Variants in TPO observed in about 807,000 individuals in gnomAD.
The protein encoded by TPO is thyroid peroxidase.
TPO carries 78 observed loss-of-function variants against 96.9 expected under a neutral mutation model. That is an observed-to-expected ratio of 0.81 (90% CI 0.67 to 0.97). TPO has a LOEUF of 0.97. Ranked by LOEUF, TPO falls within the 50% of genes least tolerant of loss-of-function variation. The probability of loss-of-function intolerance (pLI) is 0.00; values close to 1 mark genes in which losing one functional copy is unlikely to be tolerated. For synonymous variants in TPO, 547 were observed against 538.0 expected (o/e 1.02, Z -0.23); for missense variants, 1,252 against 1,274.8 (o/e 0.98, Z 0.27).
intron 2 of TPO, among the ~76,000 whole-genome samples, chr2:1,416,832 A>G (rs573384633): frequency 1.3e-5 from 2 of 152,356 alleles, no homozygotes; most frequent in Admixed American, 1.3e-4. Flanking sequence ...GCTCACAGAC[A>G]TGTGAAGCAA....
At chr2:1,523,954 T>A (rs1573539055) in intron 15 of TPO, among the ~76,000 whole-genome samples, 1 of 51,362 alleles carries the variant, frequency 1.9e-5, no homozygotes, top group Non-Finnish European at 3.5e-5. Flanking sequence ...CCTTCCCAAA[T>A]CCCCCCACTC....
rs1034919170 is a variant in TPO at position 1,416,511 on chromosome 2, A to G, written c.94+2009A>G. 1.2e-4 allele frequency among the ~76,000 whole-genome samples: 18 copies of G among 152,360 alleles called. No homozygotes were observed. In the South Asian group the frequency reaches 2.5e-3, roughly 21 times the overall value. On this transcript the variant is annotated intron_variant, in intron 2 of 16. Transcript: ENST00000329066. ...AATGCAGTAGCCACAGCTTTTGCTA[A>G]AACAGTTTTTAAAAATTATTTTTCC...
At chr2:1,491,321 G>A (rs1671752855) in intron 10 of TPO, among the ~76,000 whole-genome samples, 1 of 152,122 alleles carries the variant, frequency 6.6e-6, no homozygotes, top group South Asian at 2.1e-4. Context: ...CTCCTGCACA[G>A]GCCTTGCATA....
chr2:1,395,508 T>C (rs1662066093), intron 1 of TPO, among the ~76,000 whole-genome samples: 1 of 152,198 alleles, frequency 6.6e-6, no homozygotes, highest in African/African-American at 2.4e-5. Flanking sequence ...TTTTGATAGA[T>C]TTAAGATATA....
intron 4 of TPO, among the ~76,000 whole-genome samples, chr2:1,433,987 G>A (rs890648228): frequency 2.6e-5 from 4 of 152,136 alleles, no homozygotes; most frequent in Admixed American, 1.3e-4. Flanking sequence ...GTGAGGCAGC[G>A]CATTGCAGGG....
chr2:1,428,668 G>T lies in TPO; in HGVS notation c.180-4770G>T, dbSNP rs139385216. Among the ~76,000 whole-genome samples, 35 of 152,338 alleles carry T rather than the reference G, an allele frequency of 2.3e-4. No individual in the cohort carries two copies. In the East Asian group the frequency reaches 6.8e-3, roughly 29 times the overall value. On this transcript the variant is annotated intron_variant, in intron 3 of 16. Coordinates refer to ENST00000329066, the MANE Select transcript of TPO (RefSeq NM_001206744.2). ...TGCAGGTGATGTTCTAGGAAGCAGA[G>T]AAAGTGGATTTCATCAAAAGGAGCA...
At chr2:1,509,611 CCCT>C (rs2125038587) in intron 14 of TPO, among the ~76,000 whole-genome samples, 1 of 151,300 alleles carries the variant, frequency 6.6e-6, no homozygotes, top group Non-Finnish European at 1.5e-5. Context: ...GCACAGGATA[CCCT>C]CCTGTGTCAG....
At chr2:1,491,040 G>A (rs1445554111) in intron 10 of TPO, among the ~76,000 whole-genome samples, 1 of 152,074 alleles carries the variant, frequency 6.6e-6, no homozygotes, top group East Asian at 1.9e-4. Flanking sequence ...CGTGGTGGCA[G>A]ACACCTGTAA....
At chr2:1,399,217 G>A (rs575993631) in intron 1 of TPO, among the ~76,000 whole-genome samples, 13 of 152,336 alleles carry the variant, frequency 8.5e-5, no homozygotes, top group Admixed American at 8.5e-4. Context: ...CCCCGAGGGA[G>A]GCAGAGCCAC....
chr2:1,451,282 A>T (rs1177060622), intron 5 of TPO, among the ~76,000 whole-genome samples: 1 of 152,096 alleles, frequency 6.6e-6, no homozygotes, highest in African/African-American at 2.4e-5. Flanking sequence ...TCTTAGTAGA[A>T]CCTTAGTCCT....
chr2:1,496,275 A>G, intron 12 of TPO, 78 bp downstream of exon 12: 1 of 1,435,386 alleles, frequency 7.0e-7, no homozygotes, highest in Non-Finnish European at 9.4e-7. Context: ...CCAGGAGCTG[A>G]TTTTAACTTT....
chr2:1,383,381 G>T (rs1661839558), intron 1 of TPO, among the ~76,000 whole-genome samples: 1 of 152,130 alleles, frequency 6.6e-6, no homozygotes, highest in African/African-American at 2.4e-5. Flanking sequence ...ATCCTCTCCA[G>T]CACCTGTTGT....
At chr2:1,393,753 C>A (rs557328881) in intron 1 of TPO, among the ~76,000 whole-genome samples, 1 of 152,104 alleles carries the variant, frequency 6.6e-6, no homozygotes, top group Non-Finnish European at 1.5e-5. Flanking sequence ...AATGCTCATG[C>A]GTGATTATTG....
At chr2:1,463,345 T>C (rs773112521) in intron 7 of TPO, among the ~76,000 whole-genome samples, 6 of 152,176 alleles carry the variant, frequency 3.9e-5, no homozygotes, top group East Asian at 1.9e-4. Context: ...ATAAACCCAA[T>C]AGATGACACA....
intron 8 of TPO, among the ~76,000 whole-genome samples, chr2:1,479,112 A>G (rs12471599): frequency 0.089 from 13,622 of 152,318 alleles, 800 homozygotes; most frequent in East Asian, 0.13. Context: ...TTCCCCGTGC[A>G]AACGGGAATA....
At position 1,471,277 on chromosome 2, in the gene TPO, T is replaced by A. The variant is rs1669380205; in HGVS notation, c.820-5809T>A. On this transcript the variant is annotated intron_variant, in intron 7 of 16. Transcript: ENST00000329066. ...TCAGTTCTGGGTGCAGTTAGTCTAT[T>A]CGAGCCCATAAGTCTTTCCTGTTCT... 3.3e-5 allele frequency among the ~76,000 whole-genome samples: 5 copies of A among 152,348 alleles called. No individual in the cohort carries two copies. The Middle Eastern group carries it at 0.014, about 415-fold the overall frequency.
chr2:1,466,358 G>A lies in TPO; in HGVS notation c.819+10076G>A, dbSNP rs114718089. ...TTATTGGTCCGTAGTTTTCTTTTTT[G>A]GTTATGTCCTCTTCTGGTTTTACTA... On this transcript the variant is annotated intron_variant, in intron 7 of 16. Coordinates refer to ENST00000329066, the MANE Select transcript of TPO (RefSeq NM_001206744.2). Among the ~76,000 whole-genome samples, 468 of 152,064 alleles carry A rather than the reference G, an allele frequency of 3.1e-3. 5 individuals are homozygous for A. The highest frequency in any genetic ancestry group is 0.011 in the African/African-American group (451 of 41,490).
At chr2:1,517,370 T>C (rs1287235842) in intron 15 of TPO, among the ~76,000 whole-genome samples, 1 of 152,212 alleles carries the variant, frequency 6.6e-6, no homozygotes, top group Non-Finnish European at 1.5e-5. Context: ...TTTTATTCCC[T>C]CCCTTGAGGG....
chr2:1,436,860 T>C (rs1665625537), intron 5 of TPO, among the ~76,000 whole-genome samples: 1 of 152,206 alleles, frequency 6.6e-6, no homozygotes, highest in African/African-American at 2.4e-5. Context: ...TCTCCTAATT[T>C]AACTCTTGCT....
Sources: allele counts gnomAD v4.1 joint callset (sites outside exome capture counted in the v4.1 genomes callset), GRCh38; gene constraint gnomAD v4.1.1; transcripts MANE v1.5; gene names NCBI Gene and HGNC (gene_info 2026-07-23, HGNC 2026-07-21).